ADARB1: variants seen among roughly 807,000 people sequenced by gnomAD.
ADARB1 encodes double-stranded RNA-specific editase 1.
A neutral mutation model predicts 52.4 loss-of-function variants in ADARB1; 10 were observed. That is an observed-to-expected ratio of 0.19 (90% CI 0.12 to 0.32). The LOEUF is 0.32. Ranked by LOEUF, ADARB1 falls within the 10% of genes least tolerant of loss-of-function variation. The pLI is 1.00. For synonymous variants in ADARB1, 349 were observed against 371.1 expected (o/e 0.94, Z 0.68); for missense variants, 643 against 922.3 (o/e 0.70, Z 3.92).
chr21:45,098,075 CA>C (rs778222717), intron 1 of ADARB1, among the ~76,000 whole-genome samples: 3 of 152,248 alleles, frequency 2.0e-5, no homozygotes, highest in Non-Finnish European at 2.9e-5. Flanking sequence ...CCAGTCCCCT[CA>C]AACATTTGTG....
At chr21:45,165,253 CCTAA>C (rs3838129) in intron 2 of ADARB1, among the ~76,000 whole-genome samples, 76,945 of 151,610 alleles carry the variant, frequency 0.51, 19,817 homozygotes, top group South Asian at 0.57. Context: ...TGCAAGGTGC[CCTAA>C]CTGACACCTC....
At chr21:45,191,336 C>T (rs2092275687) in intron 8 of ADARB1, among the ~76,000 whole-genome samples, 1 of 152,170 alleles carries the variant, frequency 6.6e-6, no homozygotes. Context: ...TGATATGTTA[C>T]AGCACTGTCC....
At chr21:45,211,615 A>C (rs1419522464) in intron 9 of ADARB1, among the ~76,000 whole-genome samples, 1 of 152,248 alleles carries the variant, frequency 6.6e-6, no homozygotes, top group African/African-American at 2.4e-5. Flanking sequence ...AAGAAAAAAC[A>C]TCAATGCCAG....
rs1489742644 is a variant in ADARB1 at position 45,204,183 on chromosome 21, A to G, written c.1566-372A>G. Among the ~76,000 whole-genome samples the G allele has an allele frequency of 6.6e-6, 1 of 152,242 alleles. No individual in the cohort carries two copies. The highest frequency in any genetic ancestry group is 1.5e-5 in the Non-Finnish European group (1 of 68,050). ...GGAATTTTTCATTTAATATCTTCAG[A>G]TCACGGTTGACAGTGAGTAACTGAA... is the stretch of plus-strand genomic sequence containing the variant. On this transcript the variant is annotated intron_variant, in intron 8 of 10. Transcript: ENST00000348831. This position sits in a 1 kb window ranked among gnomAD's most constrained non-coding sequence, Gnocchi z 4.4.
chr21:45,210,071 G>T (rs1159538413), intron 9 of ADARB1, among the ~76,000 whole-genome samples: 1 of 152,202 alleles, frequency 6.6e-6, no homozygotes, highest in African/African-American at 2.4e-5. Flanking sequence ...GCCGCCACAC[G>T]GCTCCGTCTC....
At chr21:45,104,111 C>A (rs2123745105) in intron 1 of ADARB1, among the ~76,000 whole-genome samples, 2 of 152,292 alleles carry the variant, frequency 1.3e-5, no homozygotes, top group Middle Eastern at 6.8e-3. Context: ...TACTTTTTCA[C>A]AAGTGTGTTC....
intron 1 of ADARB1, among the ~76,000 whole-genome samples, chr21:45,084,801 T>G (rs1476027896): frequency 6.6e-6 from 1 of 152,242 alleles, no homozygotes; most frequent in East Asian, 1.9e-4. Flanking sequence ...AAGCCCAGTT[T>G]TGTTTCTTTT....
Position 45,152,932 on chromosome 21 carries a change from T to C in ADARB1, c.-47-18678T>C, listed in dbSNP as rs540455613. Among the ~76,000 whole-genome samples, 9 of 152,352 alleles carry C rather than the reference T, an allele frequency of 5.9e-5. No individual in the cohort carries two copies. The South Asian group carries it at 1.0e-3, about 18-fold the overall frequency. ...ACATGTCTGTAAACATGAATAGAAATCATTTAGCTTCAGAGTCTGGAGTAT... is the reference window on the plus strand; with the variant it reads ...ACATGTCTGTAAACATGAATAGAAACCATTTAGCTTCAGAGTCTGGAGTAT... On this transcript the variant is annotated intron_variant, in intron 2 of 10. Transcript: ENST00000348831.
intron 2 of ADARB1, among the ~76,000 whole-genome samples, chr21:45,143,911 T>C (rs2089874203): frequency 6.6e-6 from 1 of 152,196 alleles, no homozygotes; most frequent in Non-Finnish European, 1.5e-5. Context: ...TTGACGGCAG[T>C]TCATCTTTTA....
At chr21:45,077,035 G>A (rs2085966384) in intron 1 of ADARB1, among the ~76,000 whole-genome samples, 1 of 152,230 alleles carries the variant, frequency 6.6e-6, no homozygotes, top group Non-Finnish European at 1.5e-5. Flanking sequence ...GCACCCAATT[G>A]TGTATTGTCC....
rs931091700 is a variant in ADARB1, at chr21:45,142,644, C to G, written c.-48+14071C>G. ...ATGTGACCTTGGGCAGTGACTCAGCCCAGCTGGCTGCCAGGCTGCTCCCCA... is the reference window on the plus strand; with the variant it reads ...ATGTGACCTTGGGCAGTGACTCAGCGCAGCTGGCTGCCAGGCTGCTCCCCA... On this transcript the variant is annotated intron_variant, in intron 2 of 10. Transcript: ENST00000348831. This position sits in a 1 kb window ranked among gnomAD's most constrained non-coding sequence, Gnocchi z 4.0. Among the ~76,000 whole-genome samples the G allele has an allele frequency of 2.0e-5, 3 of 152,274 alleles. No homozygotes were observed. The South Asian group carries it at 6.2e-4, about 32-fold the overall frequency.
intron 1 of ADARB1, among the ~76,000 whole-genome samples, chr21:45,105,846 C>T (rs976497218): frequency 6.6e-6 from 1 of 152,206 alleles, no homozygotes; most frequent in Non-Finnish European, 1.5e-5. Context: ...CACCACTGTC[C>T]AGTCTTTATG....
intron 1 of ADARB1, among the ~76,000 whole-genome samples, chr21:45,076,716 T>C (rs1163426723): frequency 6.6e-6 from 1 of 152,258 alleles, no homozygotes; most frequent in Non-Finnish European, 1.5e-5. Context: ...ATTTATGTAT[T>C]GTAAAACATT....
chr21:45,171,016 G>A (rs2091459012), intron 2 of ADARB1, among the ~76,000 whole-genome samples: 1 of 152,234 alleles, frequency 6.6e-6, no homozygotes, highest in African/African-American at 2.4e-5. Context: ...TGAGAGAGAA[G>A]TAGCTAAGTG....
At chr21:45,180,510 A>T (rs995203592) in intron 5 of ADARB1, 66 bp downstream of exon 5, 32 of 1,339,714 alleles carry the variant, frequency 2.4e-5, no homozygotes, top group Admixed American at 1.3e-4. Context: ...AAATGTTCTC[A>T]ATCGACAAAA....
chr21:45,090,935 C>T (rs1471320442), intron 1 of ADARB1, among the ~76,000 whole-genome samples: 1 of 152,226 alleles, frequency 6.6e-6, no homozygotes, highest in African/African-American at 2.4e-5. Flanking sequence ...ATTATTGTGG[C>T]ACTGGCTTTA....
rs180929213 is a variant in ADARB1 at position 45,172,545 on chromosome 21, G to T, written c.28+861G>T. On this transcript the variant is annotated intron_variant, in intron 3 of 10. Transcript: ENST00000348831. The surrounding 1 kb of genome is among the most constrained non-coding windows in gnomAD (Gnocchi z 4.4). ...TCTGGGGTCTTGGAGTCACTCTTGC[G>T]TACCATGTAGAACCCAAACCATGAC... Among the ~76,000 whole-genome samples the T allele has an allele frequency of 2.0e-5, 3 of 152,136 alleles. No homozygotes were observed. Among genetic ancestry groups the T allele is most frequent in the Non-Finnish European group, 4.4e-5 (3 of 68,034 alleles).
chr21:45,198,887 A>G (rs1035050810), intron 8 of ADARB1, among the ~76,000 whole-genome samples: 1 of 151,582 alleles, frequency 6.6e-6, no homozygotes, highest in African/African-American at 2.4e-5. Context: ...TCTTAAATCT[A>G]TCATTTCAAT....
rs1467022430 is a variant in ADARB1 at position 45,224,972 on chromosome 21, A to G, written c.*2775A>G. 2.0e-6 allele frequency: 2 copies of G among 985,346 alleles called. No individual in the cohort carries two copies. Among genetic ancestry groups the G allele is most frequent in the Non-Finnish European group, 2.4e-6 (2 of 829,942 alleles). The allele number at this position is 985,346 out of a possible 1,614,324, so 61.0% of individuals were successfully genotyped here. Reference sequence around the variant, plus strand: ...AGTGTCCTTGATGTGGCTTTTAGAGACTTAGCAGAAAATTCGACACAAGCA... The same window carrying G: ...AGTGTCCTTGATGTGGCTTTTAGAGGCTTAGCAGAAAATTCGACACAAGCA... On this transcript the variant is annotated 3_prime_UTR_variant, in exon 11 of 11. Transcript: ENST00000348831.
Sources: allele counts gnomAD v4.1 joint callset (sites outside exome capture counted in the v4.1 genomes callset), GRCh38; gene constraint gnomAD v4.1.1; non-coding constraint Gnocchi (gnomAD v3.1); transcripts MANE v1.5; gene names NCBI Gene and HGNC (gene_info 2026-07-23, HGNC 2026-07-21).